Variants in GTPBP1 observed in about 807,000 individuals in gnomAD.
GTPBP1 encodes the protein GTP binding protein 1.
A neutral mutation model predicts 62.0 loss-of-function variants in GTPBP1; 23 were observed. The ratio of observed to expected loss-of-function variants is 0.37; its 90% CI spans 0.27 to 0.53. The LOEUF (loss-of-function observed/expected upper bound fraction) is 0.53. Among genes scored for constraint, GTPBP1 ranks in the 20% least tolerant of loss-of-function variants. The pLI, the probability that GTPBP1 is intolerant of heterozygous loss-of-function variation, is 0.89. For missense variants in GTPBP1, 640 were observed against 917.3 expected (o/e 0.70, Z 3.90); for synonymous variants, 344 against 364.4 (o/e 0.94, Z 0.64).
At chr22:38,709,558 A>T (rs1191884789) in intron 2 of GTPBP1, among the ~76,000 whole-genome samples, 2 of 152,244 alleles carry the variant, frequency 1.3e-5, no homozygotes, top group Non-Finnish European at 2.9e-5. Context: ...TGTCTAAGGT[A>T]ATAGGGCAAG....
At chr22:38,739,517 A>G (rs1428068003), downstream of GTPBP1, 14 of 1,465,662 alleles carry the variant, frequency 9.6e-6, no homozygotes, top group Admixed American at 1.5e-4. This position sits in a 1 kb window ranked among gnomAD's most constrained non-coding sequence, Gnocchi z 6.7. Flanking sequence ...CCATGGGCTG[A>G]CCCCTTCTAG....
At chr22:38,720,337 A>G (rs913791837) in intron 4 of GTPBP1, among the ~76,000 whole-genome samples, 1 of 151,522 alleles carries the variant, frequency 6.6e-6, no homozygotes, top group Admixed American at 6.6e-5. Context: ...CTCCTGCCTC[A>G]GCCTCCTGAG....
At position 38,726,900 on chromosome 22, in the gene GTPBP1, G is replaced by T. The variant is rs187415009; in HGVS notation, c.1402-313G>T. Among the ~76,000 whole-genome samples the T allele has an allele frequency of 3.3e-3, 497 of 152,294 alleles. 2 individuals are homozygous for T. The highest frequency in any genetic ancestry group is 5.3e-3 in the Non-Finnish European group (358 of 68,022). On this transcript the variant is annotated intron_variant, in intron 8 of 11. Coordinates refer to ENST00000216044, the MANE Select transcript of GTPBP1 (RefSeq NM_004286.5). This position sits in a 1 kb window ranked among gnomAD's most constrained non-coding sequence, Gnocchi z 4.1. ...GGACTTTCTTCCCCACAGTGGTCAG[G>T]TCATGCCCACCTGTTGTTCCCCCTG...
At chr22:38,740,858 T>C, downstream of GTPBP1, 1 of 844,546 alleles carries the variant, frequency 1.2e-6, no homozygotes, top group South Asian at 1.5e-5. This position sits in a 1 kb window ranked among gnomAD's most constrained non-coding sequence, Gnocchi z 4.8. Flanking sequence ...TGGGCAGGGG[T>C]CCTGAGCTGG....
intron 4 of GTPBP1, 27 bp downstream of exon 4, chr22:38,717,027 G>T (rs1369436950): frequency 1.4e-6 from 2 of 1,434,684 alleles, no homozygotes; most frequent in South Asian, 1.2e-5. Context: ...CCAAGGAGGG[G>T]AGGCGTCAGC....
At position 38,715,975 on chromosome 22, in the gene GTPBP1, G is replaced by T; in HGVS notation, c.373G>T (p.Glu125Ter). The T allele has an allele frequency of 6.2e-7, 1 of 1,614,040 alleles. No individual in the cohort carries two copies. Among genetic ancestry groups the T allele is most frequent in the Non-Finnish European group, 8.5e-7 (1 of 1,179,902 alleles). The stretch of plus-strand genomic sequence containing the variant: ...CTACGCCACAGTGAAGAGCATGGCG[G>T]AACAGATAGAGGCCGATGTCATCCT... ...ASYATVKSMA[E>*]QIEADVILLR... Residue 125 changes from glutamate (E) to a stop codon, truncating the protein, a stop_gained, in exon 3 of 12, where the codon GAA (glutamate) becomes TAA (stop). Coordinates refer to ENST00000216044, the MANE Select transcript of GTPBP1 (RefSeq NM_004286.5). LOFTEE classifies it high-confidence loss of function.
chr22:38,717,032 G>A (rs756536933), intron 4 of GTPBP1, 32 bp downstream of exon 4: 9 of 1,360,148 alleles, frequency 6.6e-6, no homozygotes, highest in South Asian at 4.8e-5. Context: ...GAGGGGAGGC[G>A]TCAGCAGGGC....
rs1287032477 is a variant in GTPBP1 at position 38,727,487 on chromosome 22, T to C, written c.1537+139T>C. ...TCCTGTTTAGTGATGCCGTTCCTTC[T>C]GTTCTACCCATGAGCCGCAGTGTTG... is the stretch of plus-strand genomic sequence containing the variant. On this transcript the variant is annotated intron_variant, in intron 9 of 11. Coordinates refer to ENST00000216044, the MANE Select transcript of GTPBP1 (RefSeq NM_004286.5). This position sits in a 1 kb window ranked among gnomAD's most constrained non-coding sequence, Gnocchi z 6.5. 8.6e-6 allele frequency: 7 copies of C among 809,952 alleles called. No individual in the cohort carries two copies. Among genetic ancestry groups the C allele is most frequent in the Non-Finnish European group, 1.3e-5 (7 of 531,746 alleles). The allele number at this position is 809,952 out of a possible 1,614,324, so 50.2% of individuals were successfully genotyped here. A position where few individuals can be genotyped will look rare whatever the true frequency, so the allele number is the denominator to read the frequency against.
rs1473814036 is a variant in GTPBP1, at chr22:38,726,785, A to G, written c.1401+345A>G. ...GGGATCTGCGCCACATCCTCTTCCC[A>G]TTCAGCCTTCTATCTCCTGGGGTTT... On this transcript the variant is annotated intron_variant, in intron 8 of 11. Transcript: ENST00000216044. This position sits in a 1 kb window ranked among gnomAD's most constrained non-coding sequence, Gnocchi z 4.1. Among the ~76,000 whole-genome samples the G allele has an allele frequency of 6.6e-6, 1 of 152,086 alleles. No homozygotes were observed. The highest frequency in any genetic ancestry group is 1.5e-5 in the Non-Finnish European group (1 of 68,004).
chr22:38,738,857 C>T (rs369713272), downstream of GTPBP1: 3 of 1,598,312 alleles, frequency 1.9e-6, no homozygotes, highest in Non-Finnish European at 2.6e-6. This position sits in a 1 kb window ranked among gnomAD's most constrained non-coding sequence, Gnocchi z 6.6. Context: ...CGCTGCTGTG[C>T]TTGCCAGGTG....
At chr22:38,714,524 G>A (rs1319050387) in intron 2 of GTPBP1, among the ~76,000 whole-genome samples, 2 of 150,988 alleles carry the variant, frequency 1.3e-5, no homozygotes, top group Non-Finnish European at 2.9e-5. Context: ...TGTGACAACT[G>A]CGGTTTCTTC....
At chr22:38,741,024 C>G (rs771977029), downstream of GTPBP1, 6 of 1,598,024 alleles carry the variant, frequency 3.8e-6, no homozygotes, top group Non-Finnish European at 5.1e-6. Context: ...ACTCTGACTT[C>G]AGCTGCTGGA....
At chr22:38,735,121 T>C (rs1365126476), downstream of GTPBP1, 1 of 399,726 alleles carries the variant, frequency 2.5e-6, no homozygotes. Flanking sequence ...ATATACATAA[T>C]ACAGTGGGGC....
chr22:38,734,380 AGTG>A (rs1428666944), downstream of GTPBP1: 1 of 423,086 alleles, frequency 2.4e-6, no homozygotes, highest in African/African-American at 2.1e-5. Context: ...CTGCACTCCA[AGTG>A]GACGTGGCTG....
chr22:38,741,156 C>G, downstream of GTPBP1: 1 of 1,293,990 alleles, frequency 7.7e-7, no homozygotes, highest in Non-Finnish European at 1.1e-6. Context: ...ACACCCCTGC[C>G]CAAGGTCTCT....
At chr22:38,722,882 T>C in intron 5 of GTPBP1, 2 of 1,362,024 alleles carry the variant, frequency 1.5e-6, no homozygotes, top group Non-Finnish European at 2.1e-6. Context: ...GGAGGGTTTC[T>C]TCCACGCTTC....
At position 38,729,560 on chromosome 22, in the gene GTPBP1, G is replaced by A. The variant is rs1179370699; in HGVS notation, c.1815G>A (p.Gly605=). Residue 605 remains glycine, a synonymous_variant, in exon 11 of 12, where the codon GGG becomes GGA. Coordinates refer to ENST00000216044, the MANE Select transcript of GTPBP1 (RefSeq NM_004286.5). ...KKGPLTKRDE[G]GPSGGPAVGA... ...GCCCCCTGACGAAACGAGACGAGGGGGGCCCGTCTGGTGGGCCAGCAGTAG... is the reference window on the plus strand; with the variant it reads ...GCCCCCTGACGAAACGAGACGAGGGAGGCCCGTCTGGTGGGCCAGCAGTAG... 2 of 1,602,086 alleles carry A rather than the reference G, an allele frequency of 1.2e-6. No individual in the cohort carries two copies. The highest frequency in any genetic ancestry group is 1.7e-6 in the Non-Finnish European group (2 of 1,174,620).
chr22:38,741,692 C>A, downstream of GTPBP1: 1 of 897,720 alleles, frequency 1.1e-6, no homozygotes, highest in Non-Finnish European at 1.8e-6. Flanking sequence ...CCCTGGCTCT[C>A]AGCCTTCTCT....
downstream of GTPBP1, chr22:38,739,199 C>G: frequency 5.9e-6 from 6 of 1,017,798 alleles, no homozygotes; most frequent in Admixed American, 2.0e-5. This position sits in a 1 kb window ranked among gnomAD's most constrained non-coding sequence, Gnocchi z 6.7. Flanking sequence ...TTGCCACTTG[C>G]CTTTGTCATG....
Sources: gnomAD v4.1 joint callset for allele counts (sites outside exome capture counted in the v4.1 genomes callset) on GRCh38, gnomAD v4.1.1 for gene constraint, Gnocchi (gnomAD v3.1) non-coding constraint, MANE v1.5 for transcripts, NCBI Gene and HGNC (gene_info 2026-07-23, HGNC 2026-07-21) for gene names.